The following PCDHGA9 variants were observed in gnomAD, a reference collection of about 807,000 sequenced individuals.
PCDHGA9 encodes protocadherin gamma-A9.
In PCDHGA9, 37 loss-of-function variants were observed where a neutral mutation model predicts 62.5. The observed-to-expected ratio is 0.59, with a 90% CI of 0.46 to 0.78. The LOEUF (loss-of-function observed/expected upper bound fraction) is 0.78, where lower values mean the gene tolerates loss of function less well. Among genes scored for constraint, PCDHGA9 ranks in the 30% least tolerant of loss-of-function variants. PCDHGA9 has a pLI of 0.00. For synonymous variants in PCDHGA9, 459 were observed against 484.6 expected, an observed-to-expected ratio of 0.95 and a Z score of 0.69; for missense variants, 1,138 against 1,166.2, an observed-to-expected ratio of 0.98 and a Z score of 0.35.
chr5:141,491,861 C>A lies in PCDHGA9; in HGVS notation c.2425-2946C>A. ...GGATCATTGGACCGTTTGCGCGAAA[C>A]CAGAGTGGCCGATTAAGGGATGGGG... On this transcript the variant is annotated intron_variant, in intron 1 of 3. Transcript: ENST00000573521. The surrounding 1 kb of genome is among the most constrained non-coding windows in gnomAD (Gnocchi z 6.9). 6.9e-7 allele frequency: 1 copy of A among 1,455,272 alleles called. No homozygotes were observed. The highest frequency in any genetic ancestry group is 9.1e-7 in the Non-Finnish European group (1 of 1,100,930). The allele number at this position is 1,455,272 out of a possible 1,614,324, so 90.1% of individuals were successfully genotyped here.
At chr5:141,506,252 C>T (rs1158047426) in intron 3 of PCDHGA9, among the ~76,000 whole-genome samples, 1 of 151,968 alleles carries the variant, frequency 6.6e-6, no homozygotes, top group African/African-American at 2.4e-5. Flanking sequence ...AGTTCGAAAC[C>T]GGCCTGGCCA....
At chr5:141,421,618 G>A (rs748399893) in intron 1 of PCDHGA9, 1 of 1,613,766 alleles carries the variant, frequency 6.2e-7, no homozygotes, top group African/African-American at 1.3e-5. Context: ...TAATGATAAC[G>A]CCCCCAGCTT....
intron 1 of PCDHGA9, chr5:141,413,963 C>T (rs1368202031): frequency 6.8e-6 from 11 of 1,613,446 alleles, no homozygotes; most frequent in Non-Finnish European, 9.3e-6. Context: ...CCTGTGGGCA[C>T]TCAGCTGCTG....
intron 1 of PCDHGA9, among the ~76,000 whole-genome samples, chr5:141,443,070 T>C (rs983773796): frequency 6.6e-6 from 1 of 152,244 alleles, no homozygotes; most frequent in African/African-American, 2.4e-5. Flanking sequence ...GAGCGTCTTA[T>C]GACTGAGTGT....
chr5:141,497,100 T>A (rs886445893), intron 2 of PCDHGA9, among the ~76,000 whole-genome samples: 2 of 151,774 alleles, frequency 1.3e-5, no homozygotes, highest in Non-Finnish European at 2.9e-5. Context: ...GAGGCAGAAC[T>A]GCTTGAACCC....
Position 141,407,403 on chromosome 5 carries a change from A to G in PCDHGA9, c.2424+2027A>G, listed in dbSNP as rs964260933. 2.0e-5 allele frequency among the ~76,000 whole-genome samples: 3 copies of G among 152,220 alleles called. No individual in the cohort carries two copies. In the East Asian group the frequency reaches 5.8e-4, roughly 29 times the overall value. Reference sequence around the variant, plus strand: ...TTGTATGTCATGGTAGGTAGTTACTATTCGATACCACAAAAATGTCTCTTG... The same window carrying G: ...TTGTATGTCATGGTAGGTAGTTACTGTTCGATACCACAAAAATGTCTCTTG... On this transcript the variant is annotated intron_variant, in intron 1 of 3. Transcript: ENST00000573521.
At chr5:141,418,726 G>C (rs1399333996) in intron 1 of PCDHGA9, 1 of 1,613,986 alleles carries the variant, frequency 6.2e-7, no homozygotes, top group Non-Finnish European at 8.5e-7. Flanking sequence ...ACAAAGCTCA[G>C]CACGTGTTCT....
At chr5:141,436,611 C>T (rs893312137) in intron 1 of PCDHGA9, among the ~76,000 whole-genome samples, 1 of 152,126 alleles carries the variant, frequency 6.6e-6, no homozygotes, top group Non-Finnish European at 1.5e-5. Context: ...CTAGGGCTAA[C>T]AAAAATCTGA....
chr5:141,473,497 C>T (rs2099323546), intron 1 of PCDHGA9, among the ~76,000 whole-genome samples: 1 of 152,106 alleles, frequency 6.6e-6, no homozygotes, highest in Non-Finnish European at 1.5e-5. Context: ...ATAAGGTGTT[C>T]TGAGAGAGCA....
chr5:141,433,192 A>G (rs756991371), intron 1 of PCDHGA9: 1 of 1,585,516 alleles, frequency 6.3e-7, no homozygotes, highest in Non-Finnish European at 8.6e-7. Flanking sequence ...AGGTGAGTTT[A>G]TATCAAATCT....
chr5:141,500,467 C>T lies in PCDHGA9; in HGVS notation c.2484-4926C>T, dbSNP rs368360639. 6.6e-5 allele frequency among the ~76,000 whole-genome samples: 10 copies of T among 152,262 alleles called. No homozygotes were observed. In the South Asian group the frequency reaches 2.1e-3, roughly 32 times the overall value. ...CTCGTGATCCGCCCGCCTCGGCCTC[C>T]CAAAGTGCTGGGATTACAGGCGTGA... is the stretch of plus-strand genomic sequence containing the variant. On this transcript the variant is annotated intron_variant, in intron 2 of 3. Coordinates refer to ENST00000573521, the MANE Select transcript of PCDHGA9 (RefSeq NM_018921.3).
chr5:141,477,572 G>T lies in PCDHGA9; in HGVS notation c.2425-17235G>T, dbSNP rs375416133. The T allele has an allele frequency of 6.2e-7, 1 of 1,614,112 alleles. No homozygotes were observed. Among genetic ancestry groups the T allele is most frequent in the South Asian group, 1.1e-5 (1 of 91,072 alleles). ...AAACCTAAGTGTCTGGGACCCCGAC[G>T]CCCCGCAGAATGCTCGGCTTTCTTT... On this transcript the variant is annotated intron_variant, in intron 1 of 3. Transcript: ENST00000573521. The surrounding 1 kb of genome is among the most constrained non-coding windows in gnomAD (Gnocchi z 4.9).
chr5:141,415,966 C>G, intron 1 of PCDHGA9: 1 of 405,604 alleles, frequency 2.5e-6, no homozygotes, highest in Non-Finnish European at 4.0e-6. Flanking sequence ...AAACTCCAGC[C>G]CCTTAAGCAA....
chr5:141,431,748 G>T lies in PCDHGA9; in HGVS notation c.2424+26372G>T. 1 of 1,614,196 alleles carries T rather than the reference G, an allele frequency of 6.2e-7. No homozygotes were observed. Among genetic ancestry groups the T allele is most frequent in the Non-Finnish European group, 8.5e-7 (1 of 1,180,042 alleles). Reference sequence around the variant, plus strand: ...ATGGATAATGCAGGATATTCTGCGCGAGCCAAAGTCCTGATCACTGTTCTG... The same window carrying T: ...ATGGATAATGCAGGATATTCTGCGCTAGCCAAAGTCCTGATCACTGTTCTG... On this transcript the variant is annotated intron_variant, in intron 1 of 3. Transcript: ENST00000573521. This position sits in a 1 kb window ranked among gnomAD's most constrained non-coding sequence, Gnocchi z 4.8.
In PCDHGA9 at chr5:141,432,113, T is replaced by G. The variant is rs1174697940; in HGVS notation, c.2424+26737T>G. 1 of 1,614,078 alleles carries G rather than the reference T, an allele frequency of 6.2e-7. No homozygotes were observed. The highest frequency in any genetic ancestry group is 8.5e-7 in the Non-Finnish European group (1 of 1,180,006). On this transcript the variant is annotated intron_variant, in intron 1 of 3. Coordinates refer to ENST00000573521, the MANE Select transcript of PCDHGA9 (RefSeq NM_018921.3). The surrounding 1 kb of genome is among the most constrained non-coding windows in gnomAD (Gnocchi z 6.0). ...AGACACCAACGACAACCCGCCGGTC[T>G]TCCCTCAGGCCTCCTATTCCGCTTA... is the stretch of plus-strand genomic sequence containing the variant.
Position 141,490,083 on chromosome 5 carries a change from T to G in PCDHGA9, c.2425-4724T>G. Reference sequence around the variant, plus strand: ...CCAACGGCCAACTAGACTATTCTTTTGGAGACCACACATCTGAGGCAGTGC... The same window carrying G: ...CCAACGGCCAACTAGACTATTCTTTGGGAGACCACACATCTGAGGCAGTGC... On this transcript the variant is annotated intron_variant, in intron 1 of 3. Coordinates refer to ENST00000573521, the MANE Select transcript of PCDHGA9 (RefSeq NM_018921.3). This position sits in a 1 kb window ranked among gnomAD's most constrained non-coding sequence, Gnocchi z 5.4. 1.2e-6 allele frequency: 2 copies of G among 1,614,262 alleles called. No individual in the cohort carries two copies. The highest frequency in any genetic ancestry group is 1.7e-6 in the Non-Finnish European group (2 of 1,180,054).
chr5:141,475,951 G>A, intron 1 of PCDHGA9: 4 of 766,902 alleles, frequency 5.2e-6, no homozygotes, highest in South Asian at 1.9e-5. Flanking sequence ...CCCTTTCTGC[G>A]CCCCGGGATG....
chr5:141,450,470 A>AGTTT (rs199699353), intron 1 of PCDHGA9, among the ~76,000 whole-genome samples: 2,037 of 151,800 alleles, frequency 0.013, 39 homozygotes, highest in African/African-American at 0.044. Flanking sequence ...TTATATATAG[A>AGTTT]GTTTGTTTGT....
At chr5:141,423,107 T>G (rs1590430250) in intron 1 of PCDHGA9, 1 of 1,613,696 alleles carries the variant, frequency 6.2e-7, no homozygotes, top group East Asian at 2.2e-5. Flanking sequence ...ACGGGCGAGG[T>G]GCGTACAGCG....
Sources: gnomAD v4.1 joint callset for allele counts (sites outside exome capture counted in the v4.1 genomes callset) on GRCh38, gnomAD v4.1.1 for gene constraint, Gnocchi (gnomAD v3.1) non-coding constraint, MANE v1.5 for transcripts, NCBI Gene and HGNC (gene_info 2026-07-23, HGNC 2026-07-21) for gene names.